SYT10: variants seen among roughly 807,000 people sequenced by gnomAD.
SYT10 encodes the protein synaptotagmin-10.
In SYT10, 31 loss-of-function variants were observed where a neutral mutation model predicts 51.1. That is an observed-to-expected ratio of 0.61 (90% CI 0.46 to 0.82). SYT10 has a LOEUF of 0.82. Ranked by LOEUF, SYT10 falls within the 40% of genes least tolerant of loss-of-function variation. SYT10 has a pLI of 0.00. For synonymous variants in SYT10, 233 were observed against 225.9 expected (o/e 1.03, Z -0.28); for missense variants, 603 against 634.0 (o/e 0.95, Z 0.53).
At chr12:33,384,647 C>A (rs187340655) in intron 4 of SYT10, among the ~76,000 whole-genome samples, 18 of 152,284 alleles carry the variant, frequency 1.2e-4, no homozygotes, top group Non-Finnish European at 4.4e-5. Context: ...TCAAGAATTT[C>A]TTTCAGAATC....
At chr12:33,417,118 T>C (rs1366173271) in intron 2 of SYT10, among the ~76,000 whole-genome samples, 1 of 152,104 alleles carries the variant, frequency 6.6e-6, no homozygotes, top group Non-Finnish European at 1.5e-5. Flanking sequence ...TGAGAAGGTA[T>C]AAAATGGTGT....
At chr12:33,392,894 G>A (rs1866221242) in intron 3 of SYT10, among the ~76,000 whole-genome samples, 1 of 139,412 alleles carries the variant, frequency 7.2e-6, no homozygotes, top group African/African-American at 2.7e-5. Flanking sequence ...GAATGCCCAC[G>A]TTTCTGCTCA....
chr12:33,410,739 A>C (rs1866398211), intron 2 of SYT10, among the ~76,000 whole-genome samples: 1 of 152,206 alleles, frequency 6.6e-6, no homozygotes, highest in South Asian at 2.1e-4. Context: ...ATGATATTCT[A>C]ATATCAGATT....
In SYT10 at chr12:33,388,428, T is replaced by C. The variant is rs554502918; in HGVS notation, c.1078-3137A>G. Reference sequence around the variant, plus strand: ...GAGTAAGGCTTTGAGTTTCTGAAAATTGCATGTAGTCTCATTTTTCTACAA... The same window carrying C: ...GAGTAAGGCTTTGAGTTTCTGAAAACTGCATGTAGTCTCATTTTTCTACAA... On this transcript the variant is annotated intron_variant, in intron 3 of 6. Transcript: ENST00000228567. Among the ~76,000 whole-genome samples the C allele has an allele frequency of 2.6e-5, 4 of 152,292 alleles. No homozygotes were observed. In the South Asian group the frequency reaches 6.2e-4, roughly 24 times the overall value.
intron 1 of SYT10, among the ~76,000 whole-genome samples, chr12:33,437,464 A>G (rs1479436846): frequency 2.0e-5 from 3 of 152,328 alleles, no homozygotes; most frequent in Admixed American, 2.0e-4. Context: ...GTTTATCTGA[A>G]GCTGATACAG....
chr12:33,424,316 T>C (rs1225735660), intron 2 of SYT10, among the ~76,000 whole-genome samples: 1 of 152,180 alleles, frequency 6.6e-6, no homozygotes, highest in Non-Finnish European at 1.5e-5. Flanking sequence ...TATTTTGTTT[T>C]TCTGAGGTTC....
intron 1 of SYT10, among the ~76,000 whole-genome samples, chr12:33,438,871 C>G (rs1469120797): frequency 2.0e-5 from 3 of 152,262 alleles, no homozygotes; most frequent in Non-Finnish European, 4.4e-5. Context: ...CCAAGGCAGC[C>G]ACCTCTGCAA....
rs1032102990 is a variant in SYT10 at position 33,375,822 on chromosome 12, T to G, written c.*1008A>C. The G allele has an allele frequency of 6.6e-5, 10 of 152,512 alleles. No homozygotes were observed. Among genetic ancestry groups the G allele is most frequent in the Admixed American group, 5.9e-4 (9 of 15,256 alleles). 9.4% of individuals were successfully genotyped at this position (152,512 alleles called of 1,614,324 possible). ...ATGAGCTTCTGACTGGGTTTAAGAG[T>G]CACCATTACTGTGTACAATCTAAAC... On this transcript the variant is annotated 3_prime_UTR_variant, in exon 7 of 7. Coordinates refer to ENST00000228567, the MANE Select transcript of SYT10 (RefSeq NM_198992.4).
At chr12:33,395,328 A>G (rs1866246902) in intron 3 of SYT10, among the ~76,000 whole-genome samples, 1 of 152,250 alleles carries the variant, frequency 6.6e-6, no homozygotes, top group Non-Finnish European at 1.5e-5. Flanking sequence ...TTTAAAAAGC[A>G]TCTGCATATT....
At chr12:33,393,827 G>C (rs376436947) in intron 3 of SYT10, among the ~76,000 whole-genome samples, 1 of 152,120 alleles carries the variant, frequency 6.6e-6, no homozygotes, top group Non-Finnish European at 1.5e-5. Context: ...CAACTGCCTA[G>C]TTCCTGCCCT....
chr12:33,406,002 GA>G (rs973258363), intron 3 of SYT10: 5 of 151,892 alleles, frequency 3.3e-5, no homozygotes, highest in African/African-American at 1.2e-4. Context: ...TAGAATGAAA[GA>G]AAATTGGCTT....
chr12:33,382,249 A>G, intron 5 of SYT10, 100 bp downstream of exon 5: 1 of 1,114,676 alleles, frequency 9.0e-7, no homozygotes, highest in Non-Finnish European at 1.2e-6. Flanking sequence ...CCTCCAATTT[A>G]AATTAAAACT....
chr12:33,417,323 T>G (rs1171898204), intron 2 of SYT10, among the ~76,000 whole-genome samples: 1 of 149,514 alleles, frequency 6.7e-6, no homozygotes, highest in South Asian at 2.1e-4. Context: ...AGCTGCTGGC[T>G]TTATAAGAAG....
rs755385171 is a variant in SYT10 at position 33,407,199 on chromosome 12, C to T, written c.667G>A (p.Gly223Ser). ...LYKQKSVDSE[G>S]NQNEDVKICG... ...ATTTTGACATCTTCGTTTTGGTTGCCCTCAGAGTCAACTGATTTCTGTTTG... is the reference window on the plus strand; with the variant it reads ...ATTTTGACATCTTCGTTTTGGTTGCTCTCAGAGTCAACTGATTTCTGTTTG... Residue 223 changes from glycine to serine, a missense_variant, in exon 3 of 7, where the codon GGC (glycine) becomes AGC (serine). Gly to Ser is a moderately conservative substitution (Grantham distance 56, BLOSUM62 0). Transcript: ENST00000228567. 1 of 1,614,046 alleles carries T rather than the reference C, an allele frequency of 6.2e-7. No individual in the cohort carries two copies. The highest frequency in any genetic ancestry group is 8.5e-7 in the Non-Finnish European group (1 of 1,180,020).
intron 3 of SYT10, among the ~76,000 whole-genome samples, chr12:33,391,706 T>A (rs1866209008): frequency 6.6e-6 from 1 of 152,170 alleles, no homozygotes; most frequent in African/African-American, 2.4e-5. Flanking sequence ...TATGTCAGAG[T>A]GCAGTTTGCA....
intron 1 of SYT10, among the ~76,000 whole-genome samples, chr12:33,428,667 G>A (rs955864566): frequency 1.3e-5 from 2 of 152,206 alleles, no homozygotes; most frequent in Non-Finnish European, 2.9e-5. Flanking sequence ...AGCACTTTGG[G>A]AGGCTGAGAC....
At chr12:33,387,627 G>T (rs937165787) in intron 3 of SYT10, among the ~76,000 whole-genome samples, 4 of 152,202 alleles carry the variant, frequency 2.6e-5, no homozygotes, top group African/African-American at 9.7e-5. Flanking sequence ...TATCCTTTGG[G>T]CTAGTGGATT....
At chr12:33,433,153 T>C (rs1467963580) in intron 1 of SYT10, among the ~76,000 whole-genome samples, 1 of 152,182 alleles carries the variant, frequency 6.6e-6, no homozygotes, top group East Asian at 1.9e-4. Flanking sequence ...CAGTGTTAGA[T>C]ATTCCACCAA....
chr12:33,426,992 T>A (rs748906110), intron 1 of SYT10, among the ~76,000 whole-genome samples: 69 of 152,302 alleles, frequency 4.5e-4, no homozygotes, highest in Middle Eastern at 3.4e-3. Context: ...TGAGACACTA[T>A]TAGTTACATT....
Sources: allele counts gnomAD v4.1 joint callset (sites outside exome capture counted in the v4.1 genomes callset), GRCh38; gene constraint gnomAD v4.1.1; transcripts MANE v1.5; gene names NCBI Gene and HGNC (gene_info 2026-07-23, HGNC 2026-07-21).